Variants in NUDT16L1 observed in about 807,000 individuals in gnomAD.
NUDT16L1 encodes the protein nudix hydrolase 16 like 1, also known as tudor-interacting repair regulator protein.
In NUDT16L1, 19 loss-of-function variants were observed where a neutral mutation model predicts 17.3. That is an observed-to-expected ratio of 1.10 (90% CI 0.77 to 1.61). The LOEUF is 1.61. NUDT16L1 is among the 40% of genes most tolerant of loss of function. The pLI is 0.00. For missense variants in NUDT16L1, 341 were observed against 292.0 expected (o/e 1.17, Z -1.22); for synonymous variants, 255 against 138.6 (o/e 1.84, Z -5.90).
At chr16:4,694,906 G>A (rs2079506290) in intron 2 of NUDT16L1, 52 bp from the exon 3 acceptor site, 1 of 1,554,706 alleles carries the variant, frequency 6.4e-7, no homozygotes, top group East Asian at 2.4e-5. Context: ...TCCTGCTGGA[G>A]GTGCCATTGT....
exon 3 of NUDT16L1, chr16:4,695,306 C>A: frequency 1.1e-6 from 1 of 929,174 alleles, no homozygotes; most frequent in Non-Finnish European, 1.6e-6. Context: ...ATCCTGTCAT[C>A]ATCTCCACTG....
At chr16:4,694,422 T>TGGGGGC (rs2079487615) in intron 2 of NUDT16L1, 184 bp downstream of exon 2, 3 of 591,934 alleles carry the variant, frequency 5.1e-6, no homozygotes, top group South Asian at 1.9e-5. Flanking sequence ...GGGGCGGGGG[T>TGGGGGC]GGGGGCCGGC....
At chr16:4,695,182 G>A (rs780229301) in exon 3 of NUDT16L1, 1 of 1,610,924 alleles carries the variant, frequency 6.2e-7, no homozygotes, top group Non-Finnish European at 8.5e-7. Flanking sequence ...CCTCTTGAGG[G>A]CTGCCTGAGC....
chr16:4,693,769 G>C, exon 1 of NUDT16L1: 1 of 1,565,068 alleles, frequency 6.4e-7, no homozygotes, highest in East Asian at 2.5e-5. Context: ...GATCAGCCGG[G>C]TGGAGGCGAT....
chr16:4,694,518 A>AG, intron 2 of NUDT16L1: 2 of 1,287,528 alleles, frequency 1.6e-6, no homozygotes, highest in Non-Finnish European at 2.0e-6. Flanking sequence ...ATCGGTGGGG[A>AG]GGAAGGGATG....
chr16:4,694,877 C>G, intron 2 of NUDT16L1, 81 bp from the exon 3 acceptor site: 1 of 1,516,964 alleles, frequency 6.6e-7, no homozygotes, highest in Non-Finnish European at 8.8e-7. Flanking sequence ...ATACCCTGGC[C>G]TCATAGCTTC....
chr16:4,694,773 G>T, intron 2 of NUDT16L1, 185 bp from the exon 3 acceptor site: 2 of 1,431,862 alleles, frequency 1.4e-6, no homozygotes, highest in Non-Finnish European at 1.8e-6. Flanking sequence ...ACTTGCTTGG[G>T]GAGGAGGGGG....
At position 4,693,971 on chromosome 16, in the gene NUDT16L1, C is replaced by G. The variant is rs1352760596; in HGVS notation, c.154-7C>G. The G allele has an allele frequency of 6.4e-7, 1 of 1,564,504 alleles. No homozygotes were observed. The highest frequency in any genetic ancestry group is 1.2e-5 in the South Asian group (1 of 86,294). On this transcript the variant is annotated splice_polypyrimidine_tract_variant and splice_region_variant and intron_variant, in intron 1 of 2. Transcript: ENST00000304301. ...ACCCCGCGGCTGTGACCCGCGCTCC[C>G]TTGCAGATGCAGATGCGTTTCGACG...
At chr16:4,694,034 C>G (rs150759445) in exon 2 of NUDT16L1, 1 of 1,584,528 alleles carries the variant, frequency 6.3e-7, no homozygotes, top group Middle Eastern at 1.7e-4. Context: ...TGGACCGGCG[C>G]TTCTGGTCGC....
chr16:4,695,247 C>T (rs1372446742), exon 3 of NUDT16L1: 1 of 1,525,272 alleles, frequency 6.6e-7, no homozygotes, highest in Non-Finnish European at 9.0e-7. Context: ...AGTGTGGCTT[C>T]TAGAGTGTTT....
exon 2 of NUDT16L1, chr16:4,694,059 A>T: frequency 6.3e-7 from 1 of 1,587,732 alleles, no homozygotes; most frequent in Non-Finnish European, 8.5e-7. Context: ...GGACGGCCTG[A>T]ACCGGGTGCT....
At chr16:4,693,603 G>A, upstream of NUDT16L1, 1 of 1,153,300 alleles carries the variant, frequency 8.7e-7, no homozygotes, top group Non-Finnish European at 1.1e-6. Context: ...GTCCCGGGGC[G>A]CGCCGGCGAT....
chr16:4,694,597 C>T lies in NUDT16L1; in HGVS notation c.414+359C>T, dbSNP rs1257724611. 1.5e-5 allele frequency: 21 copies of T among 1,432,478 alleles called. No individual in the cohort carries two copies. In the East Asian group the frequency reaches 2.1e-4, roughly 14 times the overall value. The allele number at this position is 1,432,478 out of a possible 1,614,324, so 88.7% of individuals were successfully genotyped here. A position where few individuals can be genotyped will look rare whatever the true frequency, so the allele number is the denominator to read the frequency against. ...CAGCGGGGGTTGTAAAACTTGGGAA[C>T]CTCATGTTGGGCGTGAAGGCTCTTG... is the stretch of plus-strand genomic sequence containing the variant. On this transcript the variant is annotated intron_variant, in intron 2 of 2. Coordinates refer to ENST00000304301, the Ensembl canonical transcript of NUDT16L1.
chr16:4,693,651 G>T, upstream of NUDT16L1: 2 of 1,325,620 alleles, frequency 1.5e-6, no homozygotes, highest in Non-Finnish European at 1.9e-6. Context: ...GGCCGCCCGC[G>T]GATTGGCGAG....
intron 2 of NUDT16L1, chr16:4,694,683 A>ACG (rs2079497392): frequency 3.3e-6 from 4 of 1,201,116 alleles, no homozygotes; most frequent in Non-Finnish European, 4.1e-6. Flanking sequence ...CGTTGGGTGG[A>ACG]CGGGGGGAGC....
At chr16:4,694,800 G>C in intron 2 of NUDT16L1, 158 bp from the exon 3 acceptor site, 5 of 1,444,562 alleles carry the variant, frequency 3.5e-6, no homozygotes, top group Non-Finnish European at 4.5e-6. Context: ...TGCTCCGAGG[G>C]AGCTGGCTGG....
chr16:4,694,807 C>T lies in NUDT16L1; in HGVS notation c.415-151C>T, dbSNP rs1346210242. ...GGCTGCACTGCTCCGAGGGAGCTGG[C>T]TGGCTTCTGCCAGGCCCTGCGTGGG... On this transcript the variant is annotated intron_variant, in intron 2 of 2. Transcript: ENST00000304301. 4 of 1,445,458 alleles carry T rather than the reference C, an allele frequency of 2.8e-6. No homozygotes were observed. In the African/African-American group the frequency reaches 5.7e-5, roughly 21 times the overall value. 89.5% of individuals were successfully genotyped at this position (1,445,458 alleles called of 1,614,324 possible).
At chr16:4,694,777 G>C (rs548011687) in intron 2 of NUDT16L1, 181 bp from the exon 3 acceptor site, 2 of 1,431,900 alleles carry the variant, frequency 1.4e-6, no homozygotes, top group African/African-American at 1.4e-5. Flanking sequence ...GCTTGGGGAG[G>C]AGGGGGCTGC....
At chr16:4,695,432 T>C (rs563561911) in exon 3 of NUDT16L1, 8 of 594,772 alleles carry the variant, frequency 1.3e-5, no homozygotes, top group Admixed American at 8.9e-5. Context: ...GATGCTCTTG[T>C]TTATTCTGGG....
Sources: allele counts gnomAD v4.1 joint callset, GRCh38; gene constraint gnomAD v4.1.1; transcripts MANE v1.5; gene names NCBI Gene and HGNC (gene_info 2026-07-23, HGNC 2026-07-21).